Variants in HS6ST2 observed in about 807,000 individuals in gnomAD.
HS6ST2 encodes the protein heparan-sulfate 6-O-sulfotransferase 2.
In HS6ST2, 17 loss-of-function variants were observed where a neutral mutation model predicts 33.0. The ratio of observed to expected loss-of-function variants is 0.52; its 90% CI spans 0.35 to 0.77. The LOEUF is 0.77. Among genes scored for constraint, HS6ST2 ranks in the 30% least tolerant of loss-of-function variants. The pLI, the probability that HS6ST2 is intolerant of heterozygous loss-of-function variation, is 0.01. For missense variants in HS6ST2, 519 were observed against 551.7 expected (o/e 0.94, Z 0.59); for synonymous variants, 248 against 237.1 (o/e 1.05, Z -0.42).
intron 2 of HS6ST2, among the ~76,000 whole-genome samples, chrX:132,809,247 C>T (rs968861806): frequency 3.6e-5 from 4 of 111,621 alleles, no homozygotes; most frequent in Admixed American, 9.5e-5. Context: ...CCTCAGCCTC[C>T]GAAAGTGCTG....
chrX:132,777,850 C>T (rs984588859), intron 2 of HS6ST2, among the ~76,000 whole-genome samples: 4 of 111,402 alleles, frequency 3.6e-5, no homozygotes, highest in Non-Finnish European at 5.6e-5. Context: ...ATGGGGACAG[C>T]GAGTAGTTGA....
chrX:132,725,097 T>C (rs1347595838), intron 2 of HS6ST2, among the ~76,000 whole-genome samples: 2 of 111,337 alleles, frequency 1.8e-5, no homozygotes, highest in African/African-American at 6.5e-5. Flanking sequence ...TGGGCAAAGA[T>C]TTCTTGAGCA....
chrX:132,804,123 C>G (rs1056688171), intron 2 of HS6ST2, among the ~76,000 whole-genome samples: 1 of 112,087 alleles, frequency 8.9e-6, no homozygotes, highest in Non-Finnish European at 1.9e-5. Flanking sequence ...GAGCCTATGC[C>G]TGTTATAAAA....
At chrX:132,953,764 T>C (rs1231270178) in intron 2 of HS6ST2, among the ~76,000 whole-genome samples, 4 of 112,214 alleles carry the variant, frequency 3.6e-5, no homozygotes. Context: ...TCCCAATGGG[T>C]GTGGTAATCC....
intron 2 of HS6ST2, among the ~76,000 whole-genome samples, chrX:132,845,365 G>A (rs1251116851): frequency 3.6e-5 from 4 of 110,787 alleles, no homozygotes; most frequent in African/African-American, 1.3e-4. Context: ...ACATCTCTAT[G>A]TATGATGAGA....
chrX:132,823,119 C>G (rs1569494647), intron 2 of HS6ST2, among the ~76,000 whole-genome samples: 1 of 112,090 alleles, frequency 8.9e-6, no homozygotes, highest in African/African-American at 3.2e-5. Flanking sequence ...CTTTAATATA[C>G]GAACGAACAT....
intron 2 of HS6ST2, among the ~76,000 whole-genome samples, chrX:132,852,001 G>A (rs1048552217): frequency 9.0e-6 from 1 of 111,101 alleles, no homozygotes; most frequent in Non-Finnish European, 1.9e-5. Context: ...ACTTAGCTGG[G>A]TGTGGTGATG....
intron 2 of HS6ST2, among the ~76,000 whole-genome samples, chrX:132,806,937 T>C: frequency 9.1e-6 from 1 of 109,982 alleles, no homozygotes; most frequent in East Asian, 2.8e-4. Context: ...ATGGGGTCTT[T>C]GGTTTAGTCT....
chrX:132,792,811 T>C lies in HS6ST2; in HGVS notation c.948-84317A>G, dbSNP rs142989395. 4.8e-4 allele frequency among the ~76,000 whole-genome samples: 54 copies of C among 111,384 alleles called. No individual in the cohort carries two copies. In the East Asian group the frequency reaches 0.013, roughly 27 times the overall value. The stretch of plus-strand genomic sequence containing the variant: ...GTGTAATGTCTCCATAGTTTATCCA[T>C]GTTGTAGCATATATCAGTCCTGTTT... On this transcript the variant is annotated intron_variant, in intron 2 of 4. Coordinates refer to ENST00000370833, the MANE Select transcript of HS6ST2 (RefSeq NM_001394073.1).
intron 2 of HS6ST2, among the ~76,000 whole-genome samples, chrX:132,850,949 C>T (rs1347156592): frequency 8.9e-6 from 1 of 111,934 alleles, no homozygotes; most frequent in Non-Finnish European, 1.9e-5. Flanking sequence ...TTCTACTAAC[C>T]TAACATTTTC....
chrX:132,913,547 G>T (rs766611278), intron 2 of HS6ST2, among the ~76,000 whole-genome samples: 2 of 111,669 alleles, frequency 1.8e-5, no homozygotes, highest in South Asian at 7.5e-4. Flanking sequence ...GGCTGAGTGT[G>T]GATCCTGTGG....
At chrX:132,704,557 CA>C (rs999401838) in intron 3 of HS6ST2, among the ~76,000 whole-genome samples, 4 of 108,314 alleles carry the variant, frequency 3.7e-5, no homozygotes, top group East Asian at 2.9e-4. Context: ...AAACTCGTCT[CA>C]AAAAAAAAGA....
intron 2 of HS6ST2, among the ~76,000 whole-genome samples, chrX:132,884,683 A>G (rs1411579633): frequency 8.9e-6 from 1 of 111,846 alleles, no homozygotes; most frequent in Non-Finnish European, 1.9e-5. Context: ...AGATTTGGCA[A>G]CCAATTAGAT....
chrX:132,949,705 TAAGTA>T (rs1337425133), intron 2 of HS6ST2, among the ~76,000 whole-genome samples: 3 of 111,487 alleles, frequency 2.7e-5, no homozygotes, highest in Non-Finnish European at 3.8e-5. Context: ...TGTTATTATA[TAAGTA>T]ATGTAGACTC....
intron 4 of HS6ST2, among the ~76,000 whole-genome samples, chrX:132,641,303 C>T (rs2063599818): frequency 9.0e-6 from 1 of 111,646 alleles, no homozygotes; most frequent in Non-Finnish European, 1.9e-5. Context: ...ACCACAATGC[C>T]CAGCTGATTT....
At chrX:132,782,397 TGAAAA>T (rs2065024050) in intron 2 of HS6ST2, among the ~76,000 whole-genome samples, 1 of 111,813 alleles carries the variant, frequency 8.9e-6, no homozygotes, top group Non-Finnish European at 1.9e-5. Flanking sequence ...AGAAGGCTCT[TGAAAA>T]GAATCCTCAC....
intron 2 of HS6ST2, among the ~76,000 whole-genome samples, chrX:132,849,119 T>C (rs1424785691): frequency 8.9e-6 from 1 of 111,772 alleles, no homozygotes; most frequent in African/African-American, 3.3e-5. Flanking sequence ...AAATCTCTTT[T>C]TAATGTCCGT....
chrX:132,673,888 G>T (rs1254114533), intron 3 of HS6ST2, among the ~76,000 whole-genome samples: 2 of 111,847 alleles, frequency 1.8e-5, no homozygotes, highest in Non-Finnish European at 3.8e-5. Context: ...AAGTATGTTT[G>T]CCCTTGTTCT....
intron 2 of HS6ST2, among the ~76,000 whole-genome samples, chrX:132,797,474 G>C (rs2065192867): frequency 8.9e-6 from 1 of 112,183 alleles, no homozygotes; most frequent in Admixed American, 9.4e-5. Flanking sequence ...AGGGAGAATG[G>C]AATTCCATTT....
Sources: gnomAD v4.1 joint callset for allele counts (sites outside exome capture counted in the v4.1 genomes callset) on GRCh38, gnomAD v4.1.1 for gene constraint, MANE v1.5 for transcripts, NCBI Gene and HGNC (gene_info 2026-07-23, HGNC 2026-07-21) for gene names.